The following AEBP2 variants were observed in gnomAD, a reference collection of about 807,000 sequenced individuals.
AEBP2 encodes the protein zinc finger protein AEBP2.
AEBP2 carries 10 observed loss-of-function variants against 50.8 expected under a neutral mutation model. The observed-to-expected ratio is 0.20, with a 90% CI of 0.12 to 0.33. The LOEUF (loss-of-function observed/expected upper bound fraction) is 0.33. Ranked by LOEUF, AEBP2 falls within the 10% of genes least tolerant of loss-of-function variation. The pLI, the probability that AEBP2 is intolerant of heterozygous loss-of-function variation, is 1.00. For synonymous variants in AEBP2, 296 were observed against 261.3 expected (o/e 1.13, Z -1.28); for missense variants, 570 against 688.0 (o/e 0.83, Z 1.92).
intron 1 of AEBP2, chr12:19,457,214 A>T: frequency 6.3e-7 from 1 of 1,598,336 alleles, no homozygotes; most frequent in Non-Finnish European, 8.5e-7. Context: ...CCCAGTGTGT[A>T]AGCCAAAAGG....
At chr12:19,483,002 C>T (rs561553365) in intron 3 of AEBP2, among the ~76,000 whole-genome samples, 6 of 152,272 alleles carry the variant, frequency 3.9e-5, no homozygotes, top group Non-Finnish European at 8.8e-5. Context: ...CTTCAGACCT[C>T]GCCCCTCCCC....
chr12:19,441,427 C>T (rs1027332015), intron 1 of AEBP2, among the ~76,000 whole-genome samples: 3 of 152,092 alleles, frequency 2.0e-5, no homozygotes, highest in African/African-American at 4.8e-5. Context: ...TTTATTTTGA[C>T]CATCTATGTT....
At chr12:19,486,569 G>A (rs1948813214) in intron 3 of AEBP2, among the ~76,000 whole-genome samples, 1 of 151,940 alleles carries the variant, frequency 6.6e-6, no homozygotes, top group African/African-American at 2.4e-5. Context: ...TTTTTGTAGA[G>A]AGAGGGTTTT....
chr12:19,462,463 G>C, intron 1 of AEBP2, 47 bp from the exon 2 acceptor site: 1 of 1,428,036 alleles, frequency 7.0e-7, no homozygotes, highest in Non-Finnish European at 9.7e-7. Context: ...TCATATTCAT[G>C]TTAGTGAATT....
At chr12:19,451,258 C>A (rs368299251) in intron 1 of AEBP2, among the ~76,000 whole-genome samples, 1 of 152,100 alleles carries the variant, frequency 6.6e-6, no homozygotes, top group South Asian at 2.1e-4. Context: ...GGTATCAGCT[C>A]GTGGAAGCAG....
intron 1 of AEBP2, among the ~76,000 whole-genome samples, chr12:19,460,036 C>A (rs141590534): frequency 2.8e-4 from 42 of 152,192 alleles, no homozygotes; most frequent in African/African-American, 9.6e-4. Flanking sequence ...AAAGAGACCT[C>A]ATCTCTACAG....
At chr12:19,501,193 T>C (rs1407510787) in intron 5 of AEBP2, among the ~76,000 whole-genome samples, 1 of 151,922 alleles carries the variant, frequency 6.6e-6, no homozygotes, top group Non-Finnish European at 1.5e-5. Context: ...TACCTGGGTG[T>C]GGTAGTGGTC....
At chr12:19,498,540 A>G (rs926820324) in intron 4 of AEBP2, among the ~76,000 whole-genome samples, 31 of 152,156 alleles carry the variant, frequency 2.0e-4, no homozygotes, top group African/African-American at 7.2e-4. Context: ...TTGAATAGCC[A>G]TAGTGTGGGA....
At chr12:19,512,943 C>T (rs1949257402) in intron 6 of AEBP2, among the ~76,000 whole-genome samples, 2 of 152,018 alleles carry the variant, frequency 1.3e-5, no homozygotes, top group Admixed American at 6.6e-5. Flanking sequence ...GTGAGACTGT[C>T]TCAAAAACAA....
intron 3 of AEBP2, among the ~76,000 whole-genome samples, chr12:19,493,290 A>G (rs750304017): frequency 6.6e-6 from 1 of 152,106 alleles, no homozygotes; most frequent in African/African-American, 2.4e-5. Context: ...AATCCCAGCT[A>G]CTCGGGAGGC....
At chr12:19,407,187 A>G (rs944435331) in intron 1 of AEBP2, among the ~76,000 whole-genome samples, 1 of 151,972 alleles carries the variant, frequency 6.6e-6, no homozygotes, top group Non-Finnish European at 1.5e-5. Flanking sequence ...AGTCCCAGCT[A>G]CTCCGGAGGC....
At chr12:19,444,389 C>T (rs1948020838) in intron 1 of AEBP2, among the ~76,000 whole-genome samples, 1 of 151,960 alleles carries the variant, frequency 6.6e-6, no homozygotes, top group Non-Finnish European at 1.5e-5. Flanking sequence ...TTTAAAATGC[C>T]CGTGGAGTTA....
intron 1 of AEBP2, among the ~76,000 whole-genome samples, chr12:19,414,674 C>G (rs11044545): frequency 6.6e-6 from 1 of 152,078 alleles, no homozygotes; most frequent in Non-Finnish European, 1.5e-5. Flanking sequence ...GGGACCAGCA[C>G]AGATAATGTA....
chr12:19,517,017 G>C (rs1949329686), intron 7 of AEBP2, among the ~76,000 whole-genome samples: 1 of 152,106 alleles, frequency 6.6e-6, no homozygotes, highest in African/African-American at 2.4e-5. Flanking sequence ...CAGAGCAAGA[G>C]TCTGTCCAAA....
intron 5 of AEBP2, among the ~76,000 whole-genome samples, chr12:19,507,460 G>T (rs763845271): frequency 2.6e-5 from 4 of 152,130 alleles, no homozygotes; most frequent in Non-Finnish European, 5.9e-5. Flanking sequence ...AAAAATTTGC[G>T]CAGACTCAAA....
chr12:19,457,522 C>T (rs1948292240), intron 1 of AEBP2: 5 of 1,480,612 alleles, frequency 3.4e-6, no homozygotes, highest in Non-Finnish European at 4.5e-6. Flanking sequence ...GCCTCCTTCT[C>T]AATTTTTTCA....
chr12:19,503,499 C>T (rs1949113490), intron 5 of AEBP2, among the ~76,000 whole-genome samples: 1 of 151,962 alleles, frequency 6.6e-6, no homozygotes, highest in African/African-American at 2.4e-5. Context: ...GGTTTATGAG[C>T]TTTTTGGTGA....
intron 1 of AEBP2, among the ~76,000 whole-genome samples, chr12:19,443,730 G>T (rs1948006554): frequency 6.6e-6 from 1 of 151,952 alleles, no homozygotes; most frequent in Non-Finnish European, 1.5e-5. Flanking sequence ...CTCAAAAAAA[G>T]ATAATTAAAT....
At chr12:19,440,578 C>A in intron 1 of AEBP2, 10 of 1,443,630 alleles carry the variant, frequency 6.9e-6, no homozygotes, top group African/African-American at 1.4e-5. Flanking sequence ...ACCGTTCCCC[C>A]CCAACTCTCC....
Sources: allele counts gnomAD v4.1 joint callset (sites outside exome capture counted in the v4.1 genomes callset), GRCh38; gene constraint gnomAD v4.1.1; transcripts MANE v1.5; gene names NCBI Gene and HGNC (gene_info 2026-07-23, HGNC 2026-07-21).